The following SGCZ variants were observed in gnomAD, a reference collection of about 807,000 sequenced individuals.
The protein encoded by SGCZ is zeta-sarcoglycan.
Under a neutral mutation model 41.3 loss-of-function variants are expected in SGCZ, and 40 were observed. That is an observed-to-expected ratio of 0.97 (90% CI 0.75 to 1.26). The LOEUF (loss-of-function observed/expected upper bound fraction) is 1.26, where lower values mean the gene tolerates loss of function less well. Among genes scored for constraint, SGCZ ranks in the 50% most tolerant of loss-of-function variants. SGCZ has a pLI of 0.00. For synonymous variants in SGCZ, 206 were observed against 137.5 expected (o/e 1.50, Z -3.49); for missense variants, 552 against 369.8 (o/e 1.49, Z -4.04).
chr8:14,809,551 G>C (rs1801676296), intron 1 of SGCZ, among the ~76,000 whole-genome samples: 1 of 152,040 alleles, frequency 6.6e-6, no homozygotes, highest in Admixed American at 6.6e-5. Flanking sequence ...ATGAAGTTTT[G>C]ACAATATTTC....
chr8:14,706,315 G>C (rs2117611943), intron 1 of SGCZ, among the ~76,000 whole-genome samples: 1 of 150,994 alleles, frequency 6.6e-6, no homozygotes, highest in Middle Eastern at 3.4e-3. Flanking sequence ...TCACTATTGG[G>C]ATTCTTTTTG....
intron 1 of SGCZ, among the ~76,000 whole-genome samples, chr8:14,678,387 A>G (rs1376320142): frequency 6.6e-6 from 1 of 152,212 alleles, no homozygotes; most frequent in African/African-American, 2.4e-5. Context: ...ACCTTAATAG[A>G]CACTTCACCA....
At position 14,373,591 on chromosome 8, in the gene SGCZ, TA is replaced by T. The variant is rs374031135; in HGVS notation, c.235-49388del. Among the ~76,000 whole-genome samples, 1,028 of 152,088 alleles carry T rather than the reference TA, an allele frequency of 6.8e-3. 15 individuals are homozygous for T. The highest frequency in any genetic ancestry group is 0.024 in the African/African-American group (980 of 41,494). ...AGAAATTAAACAAAGTATAGTACCC[TA>T]AAAAACAAAATCAAAAACAATTTTG... On this transcript the variant is annotated intron_variant, in intron 2 of 7. Transcript: ENST00000382080.
At chr8:14,623,853 C>T (rs757393631) in intron 1 of SGCZ, among the ~76,000 whole-genome samples, 16 of 152,132 alleles carry the variant, frequency 1.1e-4, no homozygotes, top group Non-Finnish European at 1.9e-4. Context: ...AACTAGCCTT[C>T]TGGAACAGAA....
chr8:15,137,682 C>T (rs983349008), intron 1 of SGCZ, among the ~76,000 whole-genome samples: 2 of 152,192 alleles, frequency 1.3e-5, no homozygotes, highest in Non-Finnish European at 2.9e-5. Context: ...GGTGTTGAGC[C>T]TGCAGCTACA....
chr8:14,202,735 T>G (rs754339771), intron 4 of SGCZ, among the ~76,000 whole-genome samples: 3 of 152,144 alleles, frequency 2.0e-5, no homozygotes, highest in Non-Finnish European at 4.4e-5. Flanking sequence ...TTTGTGGGTG[T>G]TTACAAAGTC....
intron 2 of SGCZ, among the ~76,000 whole-genome samples, chr8:14,447,973 G>A (rs1800481202): frequency 6.6e-6 from 1 of 152,140 alleles, no homozygotes; most frequent in African/African-American, 2.4e-5. Context: ...AGCCCAAACG[G>A]AAATGTACAT....
chr8:15,140,685 CT>C (rs1315392082), intron 1 of SGCZ, among the ~76,000 whole-genome samples: 3 of 152,042 alleles, frequency 2.0e-5, no homozygotes, highest in African/African-American at 7.2e-5. Context: ...TGTATTTCCC[CT>C]GTCTATAATA....
At chr8:15,020,468 T>C (rs757773251) in intron 1 of SGCZ, among the ~76,000 whole-genome samples, 6 of 152,076 alleles carry the variant, frequency 3.9e-5, no homozygotes, top group Non-Finnish European at 8.8e-5. Context: ...CATATATATA[T>C]GAGGAGATGT....
intron 3 of SGCZ, among the ~76,000 whole-genome samples, chr8:14,263,224 A>T (rs1026847076): frequency 3.4e-4 from 51 of 152,216 alleles, no homozygotes; most frequent in African/African-American, 9.9e-4. Context: ...GTTAAAAATG[A>T]AGCAGGACAC....
chr8:14,277,598 G>C (rs907693467), intron 3 of SGCZ, among the ~76,000 whole-genome samples: 1 of 152,132 alleles, frequency 6.6e-6, no homozygotes, highest in African/African-American at 2.4e-5. Context: ...TTGCTAGTAA[G>C]ATAGTGGTAA....
At chr8:15,167,510 T>G (rs1307971437) in intron 1 of SGCZ, among the ~76,000 whole-genome samples, 1 of 152,216 alleles carries the variant, frequency 6.6e-6, no homozygotes, top group Non-Finnish European at 1.5e-5. Context: ...TGCTCAGCTT[T>G]AAAAGGTCTT....
At chr8:15,165,016 G>T (rs1470033216) in intron 1 of SGCZ, among the ~76,000 whole-genome samples, 2 of 152,148 alleles carry the variant, frequency 1.3e-5, no homozygotes. Context: ...ATTAGGCCAG[G>T]CGCAGTGGCT....
Position 14,241,812 on chromosome 8 carries a change from G to A in SGCZ, c.337-4133C>T, listed in dbSNP as rs183617583. On this transcript the variant is annotated intron_variant, in intron 3 of 7. Transcript: ENST00000382080. ...TACACACATATTCTTCATGCCAAGG[G>A]CATGGCTGCAATTTTCTAACTGTTA... Among the ~76,000 whole-genome samples the A allele has an allele frequency of 7.7e-3, 1,173 of 152,174 alleles. 11 individuals carry two copies. Among genetic ancestry groups the A allele is most frequent in the Non-Finnish European group, 8.0e-3 (543 of 68,000 alleles).
chr8:15,089,624 G>A (rs531200395), intron 1 of SGCZ, among the ~76,000 whole-genome samples: 4 of 152,198 alleles, frequency 2.6e-5, no homozygotes, highest in Admixed American at 1.3e-4. Context: ...TCACAAACTT[G>A]GTACTTTTTA....
chr8:14,465,424 A>C (rs1385383659), intron 2 of SGCZ, among the ~76,000 whole-genome samples: 2 of 151,566 alleles, frequency 1.3e-5, no homozygotes, highest in Admixed American at 1.3e-4. Flanking sequence ...TTTCACTTTC[A>C]ATCTATTTGT....
At chr8:15,087,743 A>T (rs2131056821) in intron 1 of SGCZ, among the ~76,000 whole-genome samples, 1 of 152,270 alleles carries the variant, frequency 6.6e-6, no homozygotes, top group Middle Eastern at 3.4e-3. Context: ...TTAACATATG[A>T]TTAAGTAAAG....
At chr8:14,575,932 A>AAAAAAAG (rs1563126402) in intron 1 of SGCZ, among the ~76,000 whole-genome samples, 18 of 136,436 alleles carry the variant, frequency 1.3e-4, no homozygotes, top group Non-Finnish European at 1.9e-4. Context: ...AAAAAAAAAA[A>AAAAAAAG]AAAGAAAGAA....
chr8:14,974,145 G>C (rs546997817), intron 1 of SGCZ, among the ~76,000 whole-genome samples: 7 of 152,148 alleles, frequency 4.6e-5, no homozygotes, highest in Admixed American at 3.9e-4. Flanking sequence ...AATTGTTGGA[G>C]TCATGATTTG....
Sources: gnomAD v4.1 joint callset for allele counts (sites outside exome capture counted in the v4.1 genomes callset) on GRCh38, gnomAD v4.1.1 for gene constraint, MANE v1.5 for transcripts, NCBI Gene and HGNC (gene_info 2026-07-23, HGNC 2026-07-21) for gene names.